The following CTNNA3 variants were observed in gnomAD, a reference collection of about 807,000 sequenced individuals.
CTNNA3 encodes the protein catenin alpha-3.
CTNNA3 carries 76 observed loss-of-function variants against 95.7 expected under a neutral mutation model. That is an observed-to-expected ratio of 0.79 (90% CI 0.66 to 0.96). The LOEUF (loss-of-function observed/expected upper bound fraction) is 0.96. Ranked by LOEUF, CTNNA3 falls within the 40% of genes least tolerant of loss-of-function variation. The pLI is 0.00. For synonymous variants in CTNNA3, 431 were observed against 374.4 expected, an observed-to-expected ratio of 1.15 and a Z score of -1.74; for missense variants, 1,191 against 1,089.8, an observed-to-expected ratio of 1.09 and a Z score of -1.31.
intron 9 of CTNNA3, among the ~76,000 whole-genome samples, chr10:66,741,833 A>C (rs2132699173): frequency 6.6e-6 from 1 of 152,270 alleles, no homozygotes; most frequent in South Asian, 2.1e-4. Context: ...TCACTTCCCC[A>C]ATCAATACCC....
intron 5 of CTNNA3, among the ~76,000 whole-genome samples, chr10:67,444,917 C>G (rs969759706): frequency 2.0e-5 from 3 of 152,018 alleles, no homozygotes; most frequent in Non-Finnish European, 4.4e-5. Context: ...TGTCATCCAG[C>G]AAACAAAGGC....
chr10:65,982,240 G>GA (rs371236929), intron 16 of CTNNA3, among the ~76,000 whole-genome samples: 2 of 150,702 alleles, frequency 1.3e-5, no homozygotes, highest in East Asian at 3.9e-4. Context: ...ACAAGCATAT[G>GA]AAAAAAATGT....
chr10:66,173,874 T>C (rs568609759), intron 13 of CTNNA3, among the ~76,000 whole-genome samples: 1 of 152,168 alleles, frequency 6.6e-6, no homozygotes, highest in African/African-American at 2.4e-5. Flanking sequence ...GGTACTCTTA[T>C]AAGCATACAA....
chr10:67,182,190 C>A (rs371103565), intron 6 of CTNNA3, among the ~76,000 whole-genome samples: 1 of 152,146 alleles, frequency 6.6e-6, no homozygotes, highest in South Asian at 2.1e-4. Context: ...GAAAAAACTA[C>A]TTTAAAGTTC....
chr10:65,931,096 A>G (rs754673327), intron 17 of CTNNA3, among the ~76,000 whole-genome samples: 2 of 152,184 alleles, frequency 1.3e-5, no homozygotes, highest in Non-Finnish European at 2.9e-5. Context: ...AGATTCAACC[A>G]TGGTTTAACT....
At chr10:67,232,231 G>A (rs1865247381) in intron 5 of CTNNA3, among the ~76,000 whole-genome samples, 1 of 152,136 alleles carries the variant, frequency 6.6e-6, no homozygotes. Flanking sequence ...AAGTTAAAAT[G>A]AAGGAAAAAA....
chr10:67,315,085 T>G (rs188044426), intron 5 of CTNNA3, among the ~76,000 whole-genome samples: 1 of 152,212 alleles, frequency 6.6e-6, no homozygotes, highest in Non-Finnish European at 1.5e-5. Flanking sequence ...ACACACACAG[T>G]GCCCAGTCCT....
chr10:66,475,786 A>G (rs2131887266), intron 11 of CTNNA3, among the ~76,000 whole-genome samples: 1 of 152,090 alleles, frequency 6.6e-6, no homozygotes, highest in East Asian at 1.9e-4. Context: ...TAGTTGAAAC[A>G]TTGTGGAAGA....
chr10:67,711,855 T>C (rs1841112133), intron 1 of CTNNA3, among the ~76,000 whole-genome samples: 1 of 151,500 alleles, frequency 6.6e-6, no homozygotes, highest in Non-Finnish European at 1.5e-5. Context: ...GTTCTTGCGA[T>C]AGTTTACTGA....
At chr10:67,711,161 A>G (rs971661378) in intron 1 of CTNNA3, among the ~76,000 whole-genome samples, 1 of 152,192 alleles carries the variant, frequency 6.6e-6, no homozygotes, top group African/African-American at 2.4e-5. Flanking sequence ...TCTTTTGCAA[A>G]TTGCCCAGTA....
Position 65,913,909 on chromosome 10 carries a change from A to T in CTNNA3, c.*6421T>A, listed in dbSNP as rs868286265. 1 of 152,188 alleles carries T rather than the reference A, an allele frequency of 6.6e-6. No homozygotes were observed. Among genetic ancestry groups the T allele is most frequent in the African/African-American group, 2.4e-5 (1 of 41,464 alleles). 9.4% of individuals were successfully genotyped at this position (152,188 alleles called of 1,614,324 possible). A position where few individuals can be genotyped will look rare whatever the true frequency, so the allele number is the denominator to read the frequency against. On this transcript the variant is annotated 3_prime_UTR_variant, in exon 18 of 18. Transcript: ENST00000433211. ...CCTAAGGTTGGCCTGAGTCTGCAGAAGCTGGGCTGTCAGAATAGAAAAGCA... is the reference window on the plus strand; with the variant it reads ...CCTAAGGTTGGCCTGAGTCTGCAGATGCTGGGCTGTCAGAATAGAAAAGCA...
chr10:66,350,671 C>T (rs2092560394), intron 12 of CTNNA3, among the ~76,000 whole-genome samples: 1 of 151,100 alleles, frequency 6.6e-6, no homozygotes, highest in Non-Finnish European at 1.5e-5. Context: ...TTATTTTCCT[C>T]TTATTTCAGG....
In CTNNA3 at chr10:67,534,481, A is replaced by G. The variant is rs551412861; in HGVS notation, c.459+5022T>C. Among the ~76,000 whole-genome samples, 33 of 152,316 alleles carry G rather than the reference A, an allele frequency of 2.2e-4. No homozygotes were observed. In the South Asian group the frequency reaches 2.5e-3, roughly 11 times the overall value. ...AGTTTGAGGGAAAGTAGCTAGAGAA[A>G]AAATGTGGAAGGGCAATGAGATGGA... On this transcript the variant is annotated intron_variant, in intron 4 of 17. Coordinates refer to ENST00000433211, the MANE Select transcript of CTNNA3 (RefSeq NM_013266.4).
rs183057413 is a variant in CTNNA3, at chr10:67,581,712, T to C, written c.292+25145A>G. 9.8e-5 allele frequency among the ~76,000 whole-genome samples: 15 copies of C among 152,308 alleles called. No individual in the cohort carries two copies. In the East Asian group the frequency reaches 2.9e-3, roughly 29 times the overall value. ...CCTGGACTTTTTTTGTTTGGTAGGC[T>C]CTTAATTATTGCCTCAATTTCAGAG... On this transcript the variant is annotated intron_variant, in intron 3 of 17. Coordinates refer to ENST00000433211, the MANE Select transcript of CTNNA3 (RefSeq NM_013266.4).
chr10:66,327,074 C>T (rs555416263), intron 12 of CTNNA3, among the ~76,000 whole-genome samples: 1 of 152,178 alleles, frequency 6.6e-6, no homozygotes, highest in African/African-American at 2.4e-5. Flanking sequence ...TGTTTCAGAA[C>T]TATTTTTAGG....
intron 9 of CTNNA3, among the ~76,000 whole-genome samples, chr10:66,640,359 T>G (rs1845474761): frequency 6.6e-6 from 1 of 152,102 alleles, no homozygotes; most frequent in South Asian, 2.1e-4. Flanking sequence ...CAGGGGAAGC[T>G]CACAATTAAT....
intron 7 of CTNNA3, among the ~76,000 whole-genome samples, chr10:66,924,428 C>T (rs1353504376): frequency 2.6e-5 from 4 of 152,108 alleles, no homozygotes; most frequent in African/African-American, 9.7e-5. Context: ...AAATAAAATG[C>T]CTCTACATGG....
intron 1 of CTNNA3, among the ~76,000 whole-genome samples, chr10:67,667,343 A>C (rs1275360213): frequency 1.3e-5 from 2 of 152,152 alleles, no homozygotes; most frequent in Admixed American, 1.3e-4. Flanking sequence ...TTTACTATCT[A>C]ATTAGCTAAA....
Position 65,988,765 on chromosome 10 carries a change from A to C in CTNNA3, c.2192T>G (p.Val731Gly). Reference sequence around the variant, plus strand: ...TGATATCATTTTCGCTGCATAGATCACATCAGTTGTATGCTTTAGTGGTCC... The same window carrying C: ...TGATATCATTTTCGCTGCATAGATCCCATCAGTTGTATGCTTTAGTGGTCC... ...GKGPLKHTTDVIYAAKMISES... is the reference protein window; with the variant it reads ...GKGPLKHTTDGIYAAKMISES... Residue 731 changes from valine to glycine, a missense_variant, in exon 16 of 18, where the codon GTG (valine) becomes GGG (glycine). Coordinates refer to ENST00000433211, the MANE Select transcript of CTNNA3 (RefSeq NM_013266.4). The C allele has an allele frequency of 6.2e-7, 1 of 1,613,890 alleles. No homozygotes were observed. The highest frequency in any genetic ancestry group is 8.5e-7 in the Non-Finnish European group (1 of 1,179,876).
Sources: gnomAD v4.1 joint callset for allele counts (sites outside exome capture counted in the v4.1 genomes callset) on GRCh38, gnomAD v4.1.1 for gene constraint, MANE v1.5 for transcripts, NCBI Gene and HGNC (gene_info 2026-07-23, HGNC 2026-07-21) for gene names.